ANO1: variants seen among roughly 807,000 people sequenced by gnomAD.
ANO1 encodes anoctamin-1.
In ANO1, 59 loss-of-function variants were observed where a neutral mutation model predicts 124.0. That is an observed-to-expected ratio of 0.48 (90% CI 0.39 to 0.59). The LOEUF (loss-of-function observed/expected upper bound fraction) is 0.59. Ranked by LOEUF, ANO1 falls within the 20% of genes least tolerant of loss-of-function variation. ANO1 has a pLI of 0.00. For synonymous variants in ANO1, 529 were observed against 532.0 expected (o/e 0.99, Z 0.08); for missense variants, 1,059 against 1,328.0 (o/e 0.80, Z 3.15).
At chr11:70,076,485 G>A (rs2044058794), upstream of ANO1, among the ~76,000 whole-genome samples, 3 of 151,706 alleles carry the variant, frequency 2.0e-5, no homozygotes. Flanking sequence ...AAGGTCTGTT[G>A]GCACTCGAAC....
chr11:69,981,216 G>T (rs1554996191), upstream of ANO1, among the ~76,000 whole-genome samples: 1 of 152,200 alleles, frequency 6.6e-6, no homozygotes, highest in African/African-American at 2.4e-5. Context: ...CTACCTTACG[G>T]TAGCAGAGCA....
At chr11:70,131,410 C>A (rs534133557) in intron 10 of ANO1, among the ~76,000 whole-genome samples, 11 of 152,304 alleles carry the variant, frequency 7.2e-5, no homozygotes, top group Non-Finnish European at 1.3e-4. Flanking sequence ...TCCCTGCAAC[C>A]TCTGCCTCCA....
At position 70,168,207 on chromosome 11, in the gene ANO1, G is replaced by A. The variant is rs568445309; in HGVS notation, c.2197+820G>A. The stretch of plus-strand genomic sequence containing the variant: ...CTGCCTCCTGCACTCTGCACATGCT[G>A]GCCTCCTTGCTGCTCCCCAGCCCCG... On this transcript the variant is annotated intron_variant, in intron 21 of 25. Transcript: ENST00000355303. 2.0e-5 allele frequency among the ~76,000 whole-genome samples: 3 copies of A among 152,282 alleles called. No individual in the cohort carries two copies. In the South Asian group the frequency reaches 6.2e-4, roughly 32 times the overall value.
chr11:70,101,602 A>AG (rs1052739327), intron 2 of ANO1, among the ~76,000 whole-genome samples: 2 of 150,336 alleles, frequency 1.3e-5, no homozygotes, highest in Non-Finnish European at 3.0e-5. Flanking sequence ...AAAAAAAAAA[A>AG]AAAAACTCAT....
At chr11:70,095,271 G>GGAAGGAAGGAAAGAAA (rs2044815122) in intron 2 of ANO1, among the ~76,000 whole-genome samples, 1 of 74,822 alleles carries the variant, frequency 1.3e-5, no homozygotes, top group African/African-American at 5.5e-5. Context: ...AAGGAAGGAA[G>GGAAGGAAGGAAAGAAA]GAAGGAAGGA....
chr11:70,010,169 G>GTGTGTGTGTA lies in ANO1; in HGVS notation c.58+24012_58+24013insATGTGTGTGT, dbSNP rs1491523980. On this transcript the variant is annotated intron_variant, in intron 1 of 27. Coordinates refer to the ANO1 transcript ENST00000531349. ...TGTGTGTGTGTGTGTGTGTGTGCGC[G>GTGTGTGTGTA]TGTGTGTGTGTATATATATATATAT... 2.6e-3 allele frequency among the ~76,000 whole-genome samples: 59 copies of GTGTGTGTGTA among 22,662 alleles called. 2 individuals are homozygous for GTGTGTGTGTA. Among genetic ancestry groups the GTGTGTGTGTA allele is most frequent in the Non-Finnish European group, 3.2e-3 (27 of 8,388 alleles). The allele number at this position is 22,662 out of a possible 152,430, so 14.9% of individuals were successfully genotyped here.
intron 7 of ANO1, 32 bp from the exon 8 acceptor site, chr11:70,116,426 A>T: frequency 6.3e-7 from 1 of 1,581,562 alleles, no homozygotes; most frequent in South Asian, 1.2e-5. Context: ...CCATTGGATG[A>T]TAAGAACGTC....
At chr11:70,144,964 C>G (rs994459408) in intron 11 of ANO1, among the ~76,000 whole-genome samples, 3 of 152,170 alleles carry the variant, frequency 2.0e-5, no homozygotes, top group Non-Finnish European at 4.4e-5. Context: ...GGGAAAGCAC[C>G]GTGTCCAGCG....
chr11:70,008,290 C>T (rs1261840370), intron 1 of ANO1, among the ~76,000 whole-genome samples: 1 of 152,144 alleles, frequency 6.6e-6, no homozygotes, highest in African/African-American at 2.4e-5. Flanking sequence ...GTTGCCTGTG[C>T]CTGTGGTCTC....
intron 5 of ANO1, among the ~76,000 whole-genome samples, chr11:70,107,490 C>CGGGGGGGGGGGGGGGGGG (rs1432604573): frequency 1.1e-4 from 7 of 64,520 alleles, no homozygotes; most frequent in Middle Eastern, 8.3e-3. Flanking sequence ...CCAGTGGAGG[C>CGGGGGGGGGGGGGGGGGG]GGCGGGGCGG....
At chr11:70,042,142 T>A (rs1591052560) in intron 1 of ANO1, among the ~76,000 whole-genome samples, 1 of 152,088 alleles carries the variant, frequency 6.6e-6, no homozygotes, top group Admixed American at 6.6e-5. Flanking sequence ...CTGACCATAA[T>A]GTAGTAACAG....
intron 11 of ANO1, among the ~76,000 whole-genome samples, chr11:70,134,157 T>C (rs1205329723): frequency 3.3e-5 from 5 of 152,208 alleles, no homozygotes; most frequent in Admixed American, 1.3e-4. Context: ...CCCCACCCGC[T>C]GTGTGCGCAG....
At chr11:70,088,494 T>G (rs1590695199) in intron 2 of ANO1, among the ~76,000 whole-genome samples, 2 of 120,510 alleles carry the variant, frequency 1.7e-5, no homozygotes, top group East Asian at 2.3e-4. Context: ...GGCGACAGAG[T>G]GAGACTCTGC....
At chr11:70,002,914 A>G (rs1019029515) in intron 1 of ANO1, among the ~76,000 whole-genome samples, 4 of 152,182 alleles carry the variant, frequency 2.6e-5, no homozygotes, top group African/African-American at 7.2e-5. Context: ...TAAAAATAAA[A>G]TTATAAATAT....
Position 70,182,493 on chromosome 11 carries a change from C to T in ANO1, c.2404-9C>T, listed in dbSNP as rs510663. On this transcript the variant is annotated splice_polypyrimidine_tract_variant and intron_variant, in intron 23 of 25. Transcript: ENST00000355303. ...GGGGGTCCCCCTCACTGCCATGTCCCCTGCACAGGCCTTCGTGATCTCCTT... is the reference window on the plus strand; with the variant it reads ...GGGGGTCCCCCTCACTGCCATGTCCTCTGCACAGGCCTTCGTGATCTCCTT... The T allele has an allele frequency of 4.5e-6, 7 of 1,559,008 alleles. No homozygotes were observed. In the African/African-American group the frequency reaches 9.5e-5, roughly 21 times the overall value.
intron 18 of ANO1, 127 bp from the exon 19 acceptor site, chr11:70,163,156 C>T: frequency 2.1e-6 from 2 of 937,126 alleles, no homozygotes; most frequent in South Asian, 1.7e-5. Context: ...GCAGGGAGAG[C>T]CGCCTGTAGA....
At chr11:70,073,664 G>T (rs1190660898), upstream of ANO1, among the ~76,000 whole-genome samples, 1 of 152,124 alleles carries the variant, frequency 6.6e-6, no homozygotes, top group Non-Finnish European at 1.5e-5. Context: ...GACCAGAAAG[G>T]CTACCAGGAG....
At chr11:70,010,488 C>T (rs1414715298) in intron 1 of ANO1, among the ~76,000 whole-genome samples, 1 of 151,876 alleles carries the variant, frequency 6.6e-6, no homozygotes, top group Non-Finnish European at 1.5e-5. Context: ...TCCCATTAGA[C>T]CCCACCTGCA....
intron 1 of ANO1, among the ~76,000 whole-genome samples, chr11:70,033,981 C>T (rs909158074): frequency 1.3e-5 from 2 of 151,958 alleles, no homozygotes; most frequent in Non-Finnish European, 2.9e-5. Context: ...TGGGAGTTTG[C>T]CAACCCCTGC....
Sources: gnomAD v4.1 joint callset for allele counts (sites outside exome capture counted in the v4.1 genomes callset) on GRCh38, gnomAD v4.1.1 for gene constraint, MANE v1.5 for transcripts, NCBI Gene and HGNC (gene_info 2026-07-23, HGNC 2026-07-21) for gene names.